Variants in RIMS1 observed in about 807,000 individuals in gnomAD.
The protein encoded by RIMS1 is regulating synaptic membrane exocytosis protein 1.
In RIMS1, 83 loss-of-function variants were observed where a neutral mutation model predicts 214.1. That is an observed-to-expected ratio of 0.39 (90% confidence interval 0.32 to 0.47). RIMS1 has a LOEUF of 0.47. Among genes scored for constraint, RIMS1 ranks in the 20% least tolerant of loss-of-function variants. RIMS1 has a pLI of 0.99. For synonymous variants in RIMS1, 793 were observed against 786.8 expected (o/e 1.01, Z -0.13); for missense variants, 2,050 against 2,161.8 (o/e 0.95, Z 1.03).
In RIMS1 at chr6:72,258,809, G is replaced by A. The variant is rs1188631925; in HGVS notation, c.2928-177G>A. On this transcript the variant is annotated intron_variant, in intron 17 of 33. Transcript: ENST00000521978. The stretch of plus-strand genomic sequence containing the variant: ...AGAAGGTTGGAGAAATGCAGCCACA[G>A]GCAAAAACTCATAGAAAACAAATAC... 2.6e-5 allele frequency among the ~76,000 whole-genome samples: 4 copies of A among 152,226 alleles called. No individual in the cohort carries two copies. In the East Asian group the frequency reaches 5.8e-4, roughly 22 times the overall value.
At chr6:72,153,949 G>T (rs1035892429) in intron 4 of RIMS1, among the ~76,000 whole-genome samples, 5 of 152,056 alleles carry the variant, frequency 3.3e-5, no homozygotes, top group African/African-American at 4.8e-5. Context: ...TGCTAGCTAG[G>T]TATAAAAATG....
At chr6:72,074,176 C>G (rs1005482891) in intron 2 of RIMS1, among the ~76,000 whole-genome samples, 1 of 152,024 alleles carries the variant, frequency 6.6e-6, no homozygotes. Context: ...CCGTTACTAC[C>G]TTAAGAGAGG....
chr6:71,955,008 T>C (rs1214747398), intron 1 of RIMS1, among the ~76,000 whole-genome samples: 1 of 152,184 alleles, frequency 6.6e-6, no homozygotes, highest in African/African-American at 2.4e-5. Context: ...TTCTTTGCTC[T>C]AAAAATATTT....
intron 2 of RIMS1, among the ~76,000 whole-genome samples, chr6:71,996,862 T>C (rs1803601838): frequency 6.6e-6 from 1 of 152,188 alleles, no homozygotes; most frequent in Admixed American, 6.5e-5. Context: ...AAAATTGCAC[T>C]GGATTTGATT....
intron 6 of RIMS1, among the ~76,000 whole-genome samples, chr6:72,231,022 T>C (rs1473585931): frequency 6.6e-6 from 1 of 151,654 alleles, no homozygotes; most frequent in Non-Finnish European, 1.5e-5. Flanking sequence ...TTTATCATTT[T>C]GCAGCTATGC....
intron 29 of RIMS1, among the ~76,000 whole-genome samples, chr6:72,380,019 C>T (rs932283984): frequency 2.0e-5 from 3 of 152,102 alleles, no homozygotes; most frequent in Non-Finnish European, 2.9e-5. Context: ...CAATGATAGA[C>T]TGGATTAAGA....
intron 23 of RIMS1, among the ~76,000 whole-genome samples, chr6:72,276,664 A>G (rs908757436): frequency 2.6e-5 from 4 of 152,262 alleles, no homozygotes; most frequent in Non-Finnish European, 5.9e-5. Flanking sequence ...ACATCTCTTG[A>G]TACTATTATT....
chr6:72,122,517 T>C (rs534396724), intron 4 of RIMS1, among the ~76,000 whole-genome samples: 5 of 151,834 alleles, frequency 3.3e-5, no homozygotes, highest in Non-Finnish European at 5.9e-5. Context: ...GATTCCCTCT[T>C]TTTCTATTTA....
At chr6:72,089,490 C>G (rs1382277962) in intron 2 of RIMS1, among the ~76,000 whole-genome samples, 1 of 152,022 alleles carries the variant, frequency 6.6e-6, no homozygotes, top group Non-Finnish European at 1.5e-5. Flanking sequence ...CCCTGTCAAC[C>G]AGGCTGGAGT....
Position 72,258,129 on chromosome 6 carries a change from C to T in RIMS1, c.2775C>T (p.Gly925=). The change falls in exon 17 of 34, where the codon GGC becomes GGT. Residue 925 remains glycine, a synonymous_variant. Coordinates refer to ENST00000521978, the MANE Select transcript of RIMS1 (RefSeq NM_014989.7). ...TTCTGTGTGTACTTTTGCCAGTAGG[C>T]TATAGGTCTAGTGCTAGAGAAAGTA... ...DDGIGVVPPV[G]YRSSARESKS... 6.2e-7 allele frequency: 1 copy of T among 1,612,032 alleles called. No homozygotes were observed. Among genetic ancestry groups the T allele is most frequent in the Non-Finnish European group, 8.5e-7 (1 of 1,178,894 alleles).
intron 23 of RIMS1, among the ~76,000 whole-genome samples, chr6:72,281,082 A>T (rs2089890414): frequency 6.6e-6 from 1 of 152,106 alleles, no homozygotes; most frequent in African/African-American, 2.4e-5. Flanking sequence ...CACCCAGTTC[A>T]TTATTTTAGC....
chr6:72,057,017 A>G (rs917793259), intron 2 of RIMS1, among the ~76,000 whole-genome samples: 6 of 152,044 alleles, frequency 3.9e-5, no homozygotes, highest in African/African-American at 1.4e-4. Flanking sequence ...AGAGCCTATC[A>G]GAGGGTGGAG....
At chr6:71,974,087 A>G (rs528543524) in intron 2 of RIMS1, among the ~76,000 whole-genome samples, 1 of 152,272 alleles carries the variant, frequency 6.6e-6, no homozygotes, top group South Asian at 2.1e-4. Context: ...ACCAGGAGGC[A>G]GTTGTATGAG....
At chr6:71,892,834 A>G (rs1770367609) in intron 1 of RIMS1, among the ~76,000 whole-genome samples, 1 of 152,170 alleles carries the variant, frequency 6.6e-6, no homozygotes, top group Admixed American at 6.6e-5. Flanking sequence ...CTGAGTTCCT[A>G]TCATTTTAAA....
intron 29 of RIMS1, among the ~76,000 whole-genome samples, chr6:72,339,438 C>G (rs1032430217): frequency 6.6e-6 from 1 of 151,884 alleles, no homozygotes; most frequent in Non-Finnish European, 1.5e-5. Context: ...CCCCTATCCC[C>G]CCACCCCACA....
intron 4 of RIMS1, among the ~76,000 whole-genome samples, chr6:72,133,759 A>G (rs781445826): frequency 6.6e-6 from 1 of 152,150 alleles, no homozygotes. Context: ...CCCTAGATAG[A>G]GTAAATAATG....
intron 29 of RIMS1, among the ~76,000 whole-genome samples, chr6:72,383,608 TAAAAAAAAAAAA>T (rs1170633297): frequency 4.5e-4 from 39 of 85,938 alleles, no homozygotes; most frequent in Non-Finnish European, 7.2e-4. Context: ...ACCCCATCTC[TAAAAAAAAAAAA>T]AAAAAAAAAA....
chr6:72,045,219 C>T (rs1196774823), intron 2 of RIMS1, among the ~76,000 whole-genome samples: 1 of 151,666 alleles, frequency 6.6e-6, no homozygotes, highest in Non-Finnish European at 1.5e-5. Context: ...TATAAGGGTA[C>T]TTGTAAAGAT....
intron 2 of RIMS1, among the ~76,000 whole-genome samples, chr6:71,993,425 T>TA (rs1457044088): frequency 6.6e-6 from 1 of 152,214 alleles, no homozygotes; most frequent in Non-Finnish European, 1.5e-5. Context: ...AGCAGAAACA[T>TA]AAACAGGAAC....
Sources: allele counts gnomAD v4.1 joint callset (sites outside exome capture counted in the v4.1 genomes callset), GRCh38; gene constraint gnomAD v4.1.1; transcripts MANE v1.5; gene names NCBI Gene and HGNC (gene_info 2026-07-23, HGNC 2026-07-21).